BNC2: variants seen among roughly 807,000 people sequenced by gnomAD.
BNC2 encodes zinc finger protein basonuclin-2.
BNC2 carries 20 observed loss-of-function variants against 76.3 expected under a neutral mutation model. The observed-to-expected ratio is 0.26, with a 90% CI of 0.18 to 0.38. The LOEUF (loss-of-function observed/expected upper bound fraction) is 0.38, where lower values mean the gene tolerates loss of function less well. Among genes scored for constraint, BNC2 ranks in the 10% least tolerant of loss-of-function variants. The pLI, the probability that BNC2 is intolerant of heterozygous loss-of-function variation, is 1.00. For synonymous variants in BNC2, 582 were observed against 514.8 expected (o/e 1.13, Z -1.77); for missense variants, 1,382 against 1,399.8 (o/e 0.99, Z 0.20).
intron 1 of BNC2, among the ~76,000 whole-genome samples, chr9:16,866,895 C>A (rs368315559): frequency 1.3e-5 from 2 of 152,216 alleles, no homozygotes; most frequent in East Asian, 3.9e-4. Flanking sequence ...GCTACCTCCC[C>A]TTCCACAAGA....
At chr9:16,420,862 C>T (rs1820695843) in intron 6 of BNC2, among the ~76,000 whole-genome samples, 1 of 152,168 alleles carries the variant, frequency 6.6e-6, no homozygotes, top group Non-Finnish European at 1.5e-5. Context: ...CTCTCTCCAC[C>T]TGCAAAGGCT....
At chr9:16,601,914 C>T (rs543179379) in intron 3 of BNC2, among the ~76,000 whole-genome samples, 120 of 152,188 alleles carry the variant, frequency 7.9e-4, no homozygotes, top group Non-Finnish European at 1.5e-3. Flanking sequence ...TGGAAAGTAC[C>T]CAGCACAACC....
chr9:16,459,397 CTG>C (rs761924310), intron 5 of BNC2, among the ~76,000 whole-genome samples: 1 of 152,094 alleles, frequency 6.6e-6, no homozygotes, highest in Non-Finnish European at 1.5e-5. Flanking sequence ...CATTTGTTTT[CTG>C]TGTCTTTAGG....
chr9:16,696,962 T>C (rs555992783), intron 3 of BNC2, among the ~76,000 whole-genome samples: 17 of 152,224 alleles, frequency 1.1e-4, no homozygotes, highest in Non-Finnish European at 1.2e-4. Context: ...ATTCTTCTCC[T>C]CTTATTGGAC....
At chr9:16,835,570 A>AGG in intron 1 of BNC2, among the ~76,000 whole-genome samples, 1 of 152,060 alleles carries the variant, frequency 6.6e-6, no homozygotes, top group East Asian at 1.9e-4. Context: ...GCATGGTGGC[A>AGG]CATGCCTTTA....
intron 1 of BNC2, among the ~76,000 whole-genome samples, chr9:16,757,284 C>A (rs995631184): frequency 6.6e-6 from 1 of 152,150 alleles, no homozygotes; most frequent in South Asian, 2.1e-4. Context: ...GATCTTAAAT[C>A]TCTTGCTATA....
At chr9:16,817,256 G>A (rs556694918) in intron 1 of BNC2, among the ~76,000 whole-genome samples, 56 of 152,290 alleles carry the variant, frequency 3.7e-4, no homozygotes, top group African/African-American at 1.2e-3. Context: ...TAGAAACACT[G>A]CTGCCTGAAC....
chr9:16,487,686 C>T (rs992977057), intron 5 of BNC2, among the ~76,000 whole-genome samples: 2 of 152,220 alleles, frequency 1.3e-5, no homozygotes, highest in African/African-American at 2.4e-5. Flanking sequence ...AATTTCTTGT[C>T]ACTCTTAAGA....
At chr9:16,702,846 G>C (rs1823555103) in intron 3 of BNC2, among the ~76,000 whole-genome samples, 1 of 152,146 alleles carries the variant, frequency 6.6e-6, no homozygotes, top group South Asian at 2.1e-4. Context: ...AGAAAATAAA[G>C]GTCAGGGATA....
chr9:16,657,974 C>G (rs181115370), intron 3 of BNC2, among the ~76,000 whole-genome samples: 1 of 152,060 alleles, frequency 6.6e-6, no homozygotes, highest in Non-Finnish European at 1.5e-5. Context: ...TGTAATAATA[C>G]ACTTTTAAAG....
In BNC2 at chr9:16,749,869, G is replaced by C. The variant is rs140630984; in HGVS notation, c.4-11384C>G. On this transcript the variant is annotated intron_variant, in intron 1 of 6. Coordinates refer to ENST00000380672, the MANE Select transcript of BNC2 (RefSeq NM_017637.6). The stretch of plus-strand genomic sequence containing the variant: ...TGAACACAGTAGTTAAGTAACAGAA[G>C]TTATGTTTCATCTAGGAATGGTGAA... 2.9e-3 allele frequency among the ~76,000 whole-genome samples: 448 copies of C among 152,274 alleles called. 2 individuals are homozygous for C. Among genetic ancestry groups the C allele is most frequent in the African/African-American group, 0.01 (424 of 41,568 alleles).
At chr9:16,707,608 A>T (rs1823717785) in intron 3 of BNC2, among the ~76,000 whole-genome samples, 1 of 152,136 alleles carries the variant, frequency 6.6e-6, no homozygotes, top group African/African-American at 2.4e-5. Flanking sequence ...AAGCAATCTC[A>T]TTTTAGTTCT....
At chr9:16,543,162 G>T (rs984032815) in intron 5 of BNC2, among the ~76,000 whole-genome samples, 2 of 152,170 alleles carry the variant, frequency 1.3e-5, no homozygotes, top group Non-Finnish European at 2.9e-5. Flanking sequence ...GGGACTAGGA[G>T]ATCATTCTAC....
chr9:16,456,026 C>T (rs551188154), intron 5 of BNC2, among the ~76,000 whole-genome samples: 32 of 150,188 alleles, frequency 2.1e-4, no homozygotes, highest in African/African-American at 7.4e-4. Flanking sequence ...TTAGGATCAA[C>T]AGGTAGCTGA....
chr9:16,860,100 C>T (rs571523249), intron 1 of BNC2, among the ~76,000 whole-genome samples: 364 of 151,026 alleles, frequency 2.4e-3, no homozygotes, highest in African/African-American at 8.4e-3. Flanking sequence ...CCAGCATGGA[C>T]GACAGAGTGA....
chr9:16,803,947 C>T (rs1021403401), intron 1 of BNC2, among the ~76,000 whole-genome samples: 2 of 152,198 alleles, frequency 1.3e-5, no homozygotes, highest in African/African-American at 4.8e-5. Context: ...CTTTGAAAAA[C>T]TCAGTTTACA....
At chr9:16,686,509 ATC>A (rs1387406858) in intron 3 of BNC2, among the ~76,000 whole-genome samples, 1 of 152,116 alleles carries the variant, frequency 6.6e-6, no homozygotes, top group Non-Finnish European at 1.5e-5. Flanking sequence ...CTAATCATAT[ATC>A]TGTCTATATG....
chr9:16,822,155 T>C (rs1409239217), intron 1 of BNC2, among the ~76,000 whole-genome samples: 2 of 142,004 alleles, frequency 1.4e-5, no homozygotes, highest in Non-Finnish European at 3.0e-5. Context: ...TCCCAGCTAC[T>C]CAGGAAGCTG....
chr9:16,500,946 C>G (rs1822504454), intron 5 of BNC2, among the ~76,000 whole-genome samples: 1 of 152,102 alleles, frequency 6.6e-6, no homozygotes, highest in African/African-American at 2.4e-5. Context: ...CTTCTAGTAT[C>G]CTGGTATAAA....
Sources: allele counts gnomAD v4.1 joint callset (sites outside exome capture counted in the v4.1 genomes callset), GRCh38; gene constraint gnomAD v4.1.1; transcripts MANE v1.5; gene names NCBI Gene and HGNC (gene_info 2026-07-23, HGNC 2026-07-21).